The following ARNT2 variants were observed in gnomAD, a reference collection of about 807,000 sequenced individuals.
ARNT2 encodes the protein aryl hydrocarbon receptor nuclear translocator 2, also known as ARNT protein 2.
ARNT2 carries 36 observed loss-of-function variants against 91.7 expected under a neutral mutation model. The observed-to-expected ratio is 0.39, with a 90% CI of 0.30 to 0.52. The LOEUF is 0.52. ARNT2 is among the 20% of genes least tolerant of loss of function. ARNT2 has a pLI of 0.72. For missense variants in ARNT2, 775 were observed against 939.3 expected (o/e 0.83, Z 2.29); for synonymous variants, 365 against 347.1 (o/e 1.05, Z -0.57).
intron 5 of ARNT2, among the ~76,000 whole-genome samples, chr15:80,484,384 T>C (rs2141405894): frequency 6.6e-6 from 1 of 152,324 alleles, no homozygotes; most frequent in Non-Finnish European, 1.5e-5. Context: ...AGGTGCTTGA[T>C]AAATGCACGT....
intron 5 of ARNT2, among the ~76,000 whole-genome samples, chr15:80,498,004 C>T (rs868025865): frequency 6.6e-6 from 1 of 152,170 alleles, no homozygotes; most frequent in Non-Finnish European, 1.5e-5. Context: ...TTCCTAGTGT[C>T]GTGGTGGCCC....
intron 1 of ARNT2, among the ~76,000 whole-genome samples, chr15:80,425,249 T>C (rs1895916888): frequency 6.6e-6 from 1 of 152,208 alleles, no homozygotes; most frequent in African/African-American, 2.4e-5. Context: ...AGTCTTTGAC[T>C]TCTGAAATAT....
chr15:80,417,957 TG>T (rs1188178923), intron 1 of ARNT2, among the ~76,000 whole-genome samples: 1 of 152,180 alleles, frequency 6.6e-6, no homozygotes, highest in Non-Finnish European at 1.5e-5. Flanking sequence ...ATATGTAAAA[TG>T]GGGGGTGATC....
chr15:80,435,550 C>T (rs141087092), intron 1 of ARNT2, among the ~76,000 whole-genome samples: 16 of 152,162 alleles, frequency 1.1e-4, no homozygotes, highest in Non-Finnish European at 1.2e-4. Context: ...CTGCCCCCCT[C>T]CCATGCACAT....
rs573674170 is a variant in ARNT2, at chr15:80,519,809, C to T, written c.877+5404C>T. 2.0e-4 allele frequency among the ~76,000 whole-genome samples: 30 copies of T among 150,674 alleles called. No homozygotes were observed. The South Asian group carries it at 4.2e-3, about 21-fold the overall frequency. On this transcript the variant is annotated intron_variant, in intron 8 of 18. Coordinates refer to ENST00000303329, the MANE Select transcript of ARNT2 (RefSeq NM_014862.4). ...CACGCCATTCTCCTGCCTCAGCCTC[C>T]GAGTAACTGGGACTACAGGCACCTG...
At chr15:80,535,170 T>G (rs573136280) in intron 8 of ARNT2, among the ~76,000 whole-genome samples, 14 of 152,268 alleles carry the variant, frequency 9.2e-5, no homozygotes, top group African/African-American at 3.4e-4. Flanking sequence ...TTTTTGTGCT[T>G]GGTCAGGTCA....
chr15:80,589,036 G>T (rs1222030634), intron 17 of ARNT2, among the ~76,000 whole-genome samples: 1 of 152,186 alleles, frequency 6.6e-6, no homozygotes, highest in Non-Finnish European at 1.5e-5. Context: ...ATTAGAAGAG[G>T]TTATTTCCTT....
At position 80,470,124 on chromosome 15, in the gene ARNT2, A is replaced by G. The variant is rs139527863; in HGVS notation, c.195-94A>G. The G allele has an allele frequency of 1.3e-4, 172 of 1,293,046 alleles. 1 individual carries two copies. In the East Asian group the frequency reaches 4.2e-3, roughly 32 times the overall value. The allele number at this position is 1,293,046 out of a possible 1,614,324, so 80.1% of individuals were successfully genotyped here. On this transcript the variant is annotated intron_variant, in intron 3 of 18. Transcript: ENST00000303329. ...AGGTGTTAGCCCCTAGTTCCTGGTC[A>G]TTTGGTGTTAATGGTTTTATCCCAT...
chr15:80,431,026 A>G (rs1896000622), intron 1 of ARNT2, among the ~76,000 whole-genome samples: 1 of 152,016 alleles, frequency 6.6e-6, no homozygotes, highest in Admixed American at 6.6e-5. Flanking sequence ...GCCTATCTTC[A>G]TTTATATCCT....
At chr15:80,557,256 G>A (rs1898208989) in intron 11 of ARNT2, among the ~76,000 whole-genome samples, 1 of 152,080 alleles carries the variant, frequency 6.6e-6, no homozygotes, top group African/African-American at 2.4e-5. Context: ...GGCCTCCTCT[G>A]CTGGTTTCTC....
chr15:80,495,698 C>T (rs557730270), intron 5 of ARNT2, among the ~76,000 whole-genome samples: 64 of 152,342 alleles, frequency 4.2e-4, no homozygotes, highest in African/African-American at 1.4e-3. Context: ...CTCATGCCTT[C>T]CTAGGGCTCT....
At chr15:80,548,259 A>G (rs1898021647) in intron 8 of ARNT2, among the ~76,000 whole-genome samples, 1 of 152,188 alleles carries the variant, frequency 6.6e-6, no homozygotes, top group African/African-American at 2.4e-5. Context: ...ATGCTAAACA[A>G]TAATTGAGGG....
chr15:80,552,556 CATG>C, intron 9 of ARNT2, 81 bp from the exon 10 acceptor site: 1 of 1,496,972 alleles, frequency 6.7e-7, no homozygotes, highest in Non-Finnish European at 9.1e-7. Context: ...GTGAAATGCA[CATG>C]GATTATTCTT....
intron 2 of ARNT2, 61 bp from the exon 3 acceptor site, chr15:80,457,868 C>T (rs1896501776): frequency 6.3e-7 from 1 of 1,578,194 alleles, no homozygotes; most frequent in African/African-American, 1.4e-5. Flanking sequence ...CCAGCAGCTC[C>T]TGTTACCAGT....
At chr15:80,583,288 G>T (rs1898833360) in intron 17 of ARNT2, among the ~76,000 whole-genome samples, 1 of 152,234 alleles carries the variant, frequency 6.6e-6, no homozygotes, top group Admixed American at 6.5e-5. Context: ...AGGTCTTGGA[G>T]CATCCCACTG....
At chr15:80,422,242 G>A (rs1721221489) in intron 1 of ARNT2, among the ~76,000 whole-genome samples, 1 of 152,070 alleles carries the variant, frequency 6.6e-6, no homozygotes, top group Non-Finnish European at 1.5e-5. Flanking sequence ...AATTCCAAGC[G>A]AGATAAATAA....
intron 2 of ARNT2, among the ~76,000 whole-genome samples, chr15:80,452,608 A>G (rs1001911031): frequency 8.5e-5 from 13 of 152,218 alleles, no homozygotes; most frequent in Admixed American, 8.5e-4. Context: ...CCCTGAGGAC[A>G]GAGCCCCATT....
At chr15:80,512,739 C>T (rs1220989721) in intron 6 of ARNT2, among the ~76,000 whole-genome samples, 1 of 152,200 alleles carries the variant, frequency 6.6e-6, no homozygotes, top group East Asian at 1.9e-4. Context: ...TATATCATTT[C>T]CATTAGCCCA....
intron 8 of ARNT2, among the ~76,000 whole-genome samples, chr15:80,532,075 G>T (rs1897749288): frequency 6.6e-6 from 1 of 152,194 alleles, no homozygotes. Context: ...CCACGTGCCA[G>T]GCTAAATGCT....
Sources: allele counts gnomAD v4.1 joint callset (sites outside exome capture counted in the v4.1 genomes callset), GRCh38; gene constraint gnomAD v4.1.1; transcripts MANE v1.5; gene names NCBI Gene and HGNC (gene_info 2026-07-23, HGNC 2026-07-21).